Variants in ALCAM observed in about 807,000 individuals in gnomAD.
ALCAM encodes CD166 antigen.
ALCAM carries 30 observed loss-of-function variants against 70.9 expected under a neutral mutation model. The observed-to-expected ratio is 0.42, with a 90% CI of 0.32 to 0.57. The LOEUF (loss-of-function observed/expected upper bound fraction) is 0.57. ALCAM is among the 20% of genes least tolerant of loss of function. The pLI, the probability that ALCAM is intolerant of heterozygous loss-of-function variation, is 0.11. For missense variants in ALCAM, 591 were observed against 695.1 expected (o/e 0.85, Z 1.68); for synonymous variants, 249 against 242.5 (o/e 1.03, Z -0.25).
chr3:105,490,916 T>C (rs1291548808), intron 1 of ALCAM, among the ~76,000 whole-genome samples: 1 of 152,184 alleles, frequency 6.6e-6, no homozygotes, highest in African/African-American at 2.4e-5. Context: ...CTTCTCACAG[T>C]GCCCCAATGG....
At chr3:105,552,903 T>C in intron 14 of ALCAM, 1 of 1,081,208 alleles carries the variant, frequency 9.2e-7, no homozygotes, top group Non-Finnish European at 1.1e-6. Context: ...ACCATAGACT[T>C]TTTGGTTGAA....
At chr3:105,558,151 T>C (rs916020132) in intron 14 of ALCAM, among the ~76,000 whole-genome samples, 19 of 152,006 alleles carry the variant, frequency 1.2e-4, no homozygotes, top group African/African-American at 4.4e-4. Context: ...CTGGAAGTGG[T>C]AACTCTACAC....
rs149500420 is a variant in ALCAM at position 105,386,598 on chromosome 3, C to A, written c.73+19117C>A. ...GTCTAGACTTGGGCTTGTCATTATACCACCATAAATTAGACCCTGCTTCCT... is the reference window on the plus strand; with the variant it reads ...GTCTAGACTTGGGCTTGTCATTATAACACCATAAATTAGACCCTGCTTCCT... On this transcript the variant is annotated intron_variant, in intron 1 of 15. Transcript: ENST00000306107. 2.5e-3 allele frequency among the ~76,000 whole-genome samples: 373 copies of A among 151,378 alleles called. 1 individual carries two copies. Among genetic ancestry groups the A allele is most frequent in the Non-Finnish European group, 1.8e-3 (125 of 67,612 alleles).
chr3:105,510,280 G>A (rs188682530), intron 1 of ALCAM, among the ~76,000 whole-genome samples: 88 of 152,128 alleles, frequency 5.8e-4, no homozygotes, highest in African/African-American at 2.0e-3. Flanking sequence ...GGGAATCGGG[G>A]TATCCGTGAG....
rs201173033 is a variant in ALCAM, at chr3:105,540,085, T to A, written c.841T>A (p.Phe281Ile). ...LGNGNPPPEE[F>I]LFYLPGQPEG... ...GAATGGCAACCCTCCCCCAGAGGAA[T>A]TTTTGTTTTACTTACCAGTAAGTGC... Residue 281 changes from phenylalanine to isoleucine, a missense_variant, in exon 7 of 16, where the codon TTT becomes ATT. Coordinates refer to ENST00000306107, the MANE Select transcript of ALCAM (RefSeq NM_001627.4). The A allele has an allele frequency of 3.8e-5, 62 of 1,611,714 alleles. No individual in the cohort carries two copies. The East Asian group carries it at 1.4e-3, about 36-fold the overall frequency.
chr3:105,526,480 C>T (rs1939709367), intron 3 of ALCAM, among the ~76,000 whole-genome samples: 1 of 152,032 alleles, frequency 6.6e-6, no homozygotes, highest in African/African-American at 2.4e-5. Context: ...ACCGCCAACA[C>T]CCCCCTACTC....
intron 3 of ALCAM, 199 bp downstream of exon 3, chr3:105,524,707 G>A: frequency 1.5e-6 from 2 of 1,325,688 alleles, no homozygotes; most frequent in Non-Finnish European, 1.9e-6. Flanking sequence ...TAGGAGATTT[G>A]CAGTGAGGAA....
At chr3:105,432,156 C>G (rs1936950380) in intron 1 of ALCAM, among the ~76,000 whole-genome samples, 1 of 152,136 alleles carries the variant, frequency 6.6e-6, no homozygotes, top group African/African-American at 2.4e-5. Flanking sequence ...TGGAAATGCT[C>G]TTTCAAATAG....
chr3:105,525,754 T>C (rs940887656), intron 3 of ALCAM, among the ~76,000 whole-genome samples: 1 of 152,202 alleles, frequency 6.6e-6, no homozygotes, highest in African/African-American at 2.4e-5. Context: ...AGGAAACCTT[T>C]GTTCCCTAGA....
chr3:105,460,431 T>C (rs1031577687), intron 1 of ALCAM, among the ~76,000 whole-genome samples: 3 of 152,122 alleles, frequency 2.0e-5, no homozygotes, highest in East Asian at 3.9e-4. Context: ...TCTTAGATCA[T>C]TGTAAAGGTT....
chr3:105,401,673 T>A (rs28444183), intron 1 of ALCAM, among the ~76,000 whole-genome samples: 15,580 of 152,122 alleles, frequency 0.1, 898 homozygotes, highest in South Asian at 0.17. Context: ...AAAGACTTCT[T>A]CATATTAAGT....
chr3:105,480,028 T>A (rs1365577452), intron 1 of ALCAM, among the ~76,000 whole-genome samples: 1 of 152,154 alleles, frequency 6.6e-6, no homozygotes, highest in Non-Finnish European at 1.5e-5. Context: ...TTTGGCATAA[T>A]CTGTTAACAA....
At chr3:105,421,968 A>G (rs1256062943) in intron 1 of ALCAM, among the ~76,000 whole-genome samples, 2 of 151,206 alleles carry the variant, frequency 1.3e-5, no homozygotes, top group Non-Finnish European at 3.0e-5. Flanking sequence ...CCCAATATGT[A>G]GTTTTTTATC....
At chr3:105,451,625 A>C (rs1898654) in intron 1 of ALCAM, among the ~76,000 whole-genome samples, 104,717 of 152,012 alleles carry the variant, frequency 0.69, 36,379 homozygotes, top group East Asian at 0.92. Flanking sequence ...AAGAGAGTCA[A>C]TAAATAATGC....
At chr3:105,401,927 T>G (rs1936099596) in intron 1 of ALCAM, among the ~76,000 whole-genome samples, 1 of 150,828 alleles carries the variant, frequency 6.6e-6, no homozygotes, top group Non-Finnish European at 1.5e-5. Context: ...GGCATTAGTA[T>G]TGTTTAAAAG....
At chr3:105,516,883 C>G (rs1197185476) in intron 1 of ALCAM, among the ~76,000 whole-genome samples, 1 of 152,052 alleles carries the variant, frequency 6.6e-6, no homozygotes, top group Non-Finnish European at 1.5e-5. Context: ...CCGATAATCT[C>G]TAGGCTACAA....
intron 1 of ALCAM, among the ~76,000 whole-genome samples, chr3:105,481,033 AG>A (rs1279238830): frequency 1.3e-5 from 2 of 152,118 alleles, no homozygotes; most frequent in Non-Finnish European, 2.9e-5. Context: ...AGAGGCTAAA[AG>A]TAGCACAACC....
At chr3:105,484,652 A>C (rs1026662762) in intron 1 of ALCAM, among the ~76,000 whole-genome samples, 2 of 152,118 alleles carry the variant, frequency 1.3e-5, no homozygotes, top group African/African-American at 4.8e-5. Flanking sequence ...AAGGATATTA[A>C]TACATAGTAA....
At chr3:105,508,093 A>G (rs1036205139) in intron 1 of ALCAM, among the ~76,000 whole-genome samples, 1 of 152,182 alleles carries the variant, frequency 6.6e-6, no homozygotes, top group African/African-American at 2.4e-5. Flanking sequence ...ATTTCCTGGG[A>G]GCAAGTGCCA....
Sources: gnomAD v4.1 joint callset for allele counts (sites outside exome capture counted in the v4.1 genomes callset) on GRCh38, gnomAD v4.1.1 for gene constraint, MANE v1.5 for transcripts, NCBI Gene and HGNC (gene_info 2026-07-23, HGNC 2026-07-21) for gene names.